Variants in DGKB observed in about 807,000 individuals in gnomAD.
DGKB encodes the protein diacylglycerol kinase beta, also known as 90 kDa diacylglycerol kinase.
In DGKB, 67 loss-of-function variants were observed where a neutral mutation model predicts 114.3. The ratio of observed to expected loss-of-function variants is 0.59; its 90% CI spans 0.48 to 0.72. The LOEUF (loss-of-function observed/expected upper bound fraction) is 0.72. Ranked by LOEUF, DGKB falls within the 30% of genes least tolerant of loss-of-function variation. The pLI is 0.00. For synonymous variants in DGKB, 398 were observed against 323.1 expected, an observed-to-expected ratio of 1.23 and a Z score of -2.49; for missense variants, 907 against 975.2, an observed-to-expected ratio of 0.93 and a Z score of 0.93.
At chr7:14,487,816 T>C (rs1485091701) in intron 20 of DGKB, among the ~76,000 whole-genome samples, 1 of 151,770 alleles carries the variant, frequency 6.6e-6, no homozygotes, top group East Asian at 1.9e-4. Context: ...TCAAGCTATG[T>C]TGTCCAGGCT....
At chr7:14,438,575 C>T (rs555953160) in intron 21 of DGKB, among the ~76,000 whole-genome samples, 22 of 152,180 alleles carry the variant, frequency 1.4e-4, no homozygotes, top group Admixed American at 7.9e-4. Context: ...TGCTATGAAT[C>T]TTGCTTCCTG....
chr7:14,444,666 A>ATTTTTT (rs1296156859), intron 21 of DGKB, among the ~76,000 whole-genome samples: 2 of 151,896 alleles, frequency 1.3e-5, no homozygotes, highest in Non-Finnish European at 3.0e-5. Context: ...TCAGTCAGAC[A>ATTTTTT]TTTTTATCCT....
chr7:14,424,549 G>A (rs983085440), intron 21 of DGKB, among the ~76,000 whole-genome samples: 6 of 151,936 alleles, frequency 3.9e-5, no homozygotes, highest in Non-Finnish European at 8.8e-5. Flanking sequence ...TCTGCTAAAT[G>A]TATTATATCT....
rs145795613 is a variant in DGKB at position 14,898,410 on chromosome 7, A to G, written c.-188+4182T>C. Among the ~76,000 whole-genome samples the G allele has an allele frequency of 3.6e-4, 55 of 152,214 alleles. No individual in the cohort carries two copies. In the East Asian group the frequency reaches 0.01, roughly 28 times the overall value. On this transcript the variant is annotated intron_variant, in intron 1 of 25. Coordinates refer to ENST00000402815, the MANE Select transcript of DGKB (RefSeq NM_001350709.2). ...CCGGCTCTATTCCTACCAGTTTGTA[A>G]CTGTGACAAGTCACTTAACCCTGTT...
chr7:14,697,760 G>GAAAGAAAC lies in DGKB; in HGVS notation c.591+334_591+335insGTTTCTTT, dbSNP rs1824250032. On this transcript the variant is annotated intron_variant, in intron 8 of 25. Transcript: ENST00000402815. ...AAGAAGGAGGAAAGAAAGAAAGAAA[G>GAAAGAAAC]AAAGAAAGAAACAAAGAGAAAGAAA... is the stretch of plus-strand genomic sequence containing the variant. 5.3e-5 allele frequency among the ~76,000 whole-genome samples: 7 copies of GAAAGAAAC among 132,214 alleles called. No homozygotes were observed. The South Asian group carries it at 1.6e-3, about 31-fold the overall frequency. 86.7% of individuals were successfully genotyped at this position (132,214 alleles called of 152,430 possible).
chr7:14,836,410 C>T (rs1167211032), intron 2 of DGKB, among the ~76,000 whole-genome samples: 1 of 151,988 alleles, frequency 6.6e-6, no homozygotes, highest in Non-Finnish European at 1.5e-5. Flanking sequence ...TTATATATAG[C>T]AAATAAAAAG....
chr7:14,657,968 T>C (rs540489824), intron 13 of DGKB, among the ~76,000 whole-genome samples: 1 of 151,948 alleles, frequency 6.6e-6, no homozygotes, highest in South Asian at 2.1e-4. Flanking sequence ...CTTTCTGACA[T>C]TGCTGAGAAA....
intron 20 of DGKB, among the ~76,000 whole-genome samples, chr7:14,523,323 G>C (rs993174168): frequency 3.3e-5 from 5 of 152,114 alleles, no homozygotes; most frequent in Non-Finnish European, 5.9e-5. Context: ...CCTTTTCCTT[G>C]TTCATGAAAG....
chr7:14,493,144 G>C (rs1458382960), intron 20 of DGKB, among the ~76,000 whole-genome samples: 1 of 152,054 alleles, frequency 6.6e-6, no homozygotes, highest in Non-Finnish European at 1.5e-5. Flanking sequence ...ACTATGGATT[G>C]AAAATGGAGT....
chr7:14,635,554 T>G (rs1458160775), intron 13 of DGKB, among the ~76,000 whole-genome samples: 1 of 151,558 alleles, frequency 6.6e-6, no homozygotes, highest in East Asian at 1.9e-4. Flanking sequence ...GGGGAGCTGA[T>G]ATTTAGAGCA....
intron 23 of DGKB, 92 bp from the exon 24 acceptor site, chr7:14,178,243 A>C (rs532700755): frequency 4.8e-4 from 641 of 1,322,914 alleles, no homozygotes; most frequent in Middle Eastern, 4.4e-4. Flanking sequence ...AAAAAAAATA[A>C]CAGCCACTTC....
At chr7:14,359,829 G>A (rs1815343999) in intron 21 of DGKB, among the ~76,000 whole-genome samples, 1 of 152,150 alleles carries the variant, frequency 6.6e-6, no homozygotes. Flanking sequence ...TGCTGGAGAG[G>A]ACGTGGAGAA....
chr7:14,786,848 T>C (rs1286504551), intron 2 of DGKB, among the ~76,000 whole-genome samples: 2 of 152,108 alleles, frequency 1.3e-5, no homozygotes, highest in Admixed American at 1.3e-4. Context: ...CAGGTGCCCC[T>C]TTGCATGAAC....
chr7:14,150,553 A>C (rs1360556913), intron 25 of DGKB, among the ~76,000 whole-genome samples: 1 of 152,068 alleles, frequency 6.6e-6, no homozygotes, highest in Non-Finnish European at 1.5e-5. Context: ...GTTATTCTGG[A>C]AGGATTCAGT....
intron 21 of DGKB, among the ~76,000 whole-genome samples, chr7:14,350,118 C>G (rs149737417): frequency 3.9e-5 from 6 of 152,198 alleles, no homozygotes; most frequent in Admixed American, 1.3e-4. Context: ...CAGGTAAAGA[C>G]GAAGAAATTG....
chr7:14,969,560 A>G (rs1037787864), intron 1 of DGKB, among the ~76,000 whole-genome samples: 1 of 152,134 alleles, frequency 6.6e-6, no homozygotes, highest in African/African-American at 2.4e-5. Context: ...ACCTTCTGTC[A>G]GATCAGCAGC....
intron 25 of DGKB, among the ~76,000 whole-genome samples, chr7:14,161,638 G>A (rs926764199): frequency 6.6e-6 from 1 of 151,768 alleles, no homozygotes; most frequent in African/African-American, 2.4e-5. Context: ...GACACAGGGA[G>A]TGGAATATCA....
chr7:14,587,882 T>C (rs1424967492), intron 17 of DGKB, among the ~76,000 whole-genome samples: 1 of 152,200 alleles, frequency 6.6e-6, no homozygotes, highest in Non-Finnish European at 1.5e-5. Context: ...AACTTTTATA[T>C]GTACTGGGAA....
intron 23 of DGKB, among the ~76,000 whole-genome samples, chr7:14,258,964 C>T (rs755817937): frequency 6.6e-6 from 1 of 151,980 alleles, no homozygotes; most frequent in Non-Finnish European, 1.5e-5. Flanking sequence ...TGATTTAAGT[C>T]CTGCTCTAAT....
Sources: allele counts gnomAD v4.1 joint callset (sites outside exome capture counted in the v4.1 genomes callset), GRCh38; gene constraint gnomAD v4.1.1; transcripts MANE v1.5; gene names NCBI Gene and HGNC (gene_info 2026-07-23, HGNC 2026-07-21).